Variants in FNTA observed in about 807,000 individuals in gnomAD.
FNTA encodes the protein protein farnesyltransferase/geranylgeranyltransferase type-1 subunit alpha.
FNTA carries 27 observed loss-of-function variants against 55.2 expected under a neutral mutation model. That is an observed-to-expected ratio of 0.49 (90% CI 0.36 to 0.67). The LOEUF is 0.67. FNTA is among the 30% of genes least tolerant of loss of function. FNTA has a pLI of 0.00. For synonymous variants in FNTA, 176 were observed against 170.7 expected (o/e 1.03, Z -0.24); for missense variants, 422 against 464.7 (o/e 0.91, Z 0.85).
At chr8:43,084,931 C>G (rs764113724) in intron 8 of FNTA, 50 bp downstream of exon 8, 18 of 1,499,718 alleles carry the variant, frequency 1.2e-5, no homozygotes, top group African/African-American at 7.0e-5. Context: ...CAGAATTGAT[C>G]TGCCCAATAC....
chr8:43,070,731 A>G, intron 4 of FNTA, among the ~76,000 whole-genome samples: 1 of 152,276 alleles, frequency 6.6e-6, no homozygotes. Context: ...TTTTATAACC[A>G]GTGTAGTACA....
At chr8:43,070,983 A>G (rs1428270890) in intron 4 of FNTA, among the ~76,000 whole-genome samples, 1 of 152,214 alleles carries the variant, frequency 6.6e-6, no homozygotes, top group Admixed American at 6.5e-5. Context: ...TTTCTAAAAT[A>G]AATTTGGAAA....
chr8:43,066,711 GTATAAGAGAGACAGGAAAAA>G (rs1177716155), intron 3 of FNTA, among the ~76,000 whole-genome samples: 2 of 151,918 alleles, frequency 1.3e-5, no homozygotes, highest in Non-Finnish European at 2.9e-5. Context: ...CTCTTTATGC[GTATAAGAGAGACAGGAAAAA>G]TCCTGATTGG....
Position 43,083,151 on chromosome 8 carries a change from T to C in FNTA, c.816T>C (p.His272=), listed in dbSNP as rs1409387022. The part of the protein sequence containing the change: ...YTLEMIKLVP[H]NESAWNYLKG... ...TGGAAATGATTAAACTAGTACCACA[T>C]AATGAAAGTGCATGGAACTATTTGA... The change falls in exon 7 of 9, where the codon CAT becomes CAC. Residue 272 remains histidine (H), a synonymous_variant. Transcript: ENST00000302279. 2 of 1,587,414 alleles carry C rather than the reference T, an allele frequency of 1.3e-6. No homozygotes were observed. The highest frequency in any genetic ancestry group is 1.9e-5 in the Admixed American group (1 of 52,996).
In FNTA at chr8:43,084,773, A is replaced by G. The variant is rs761220213; in HGVS notation, c.909A>G (p.Gln303=). The G allele has an allele frequency of 2.5e-6, 4 of 1,613,578 alleles. No individual in the cohort carries two copies. The highest frequency in any genetic ancestry group is 2.7e-5 in the African/African-American group (2 of 74,934). ...TGTTAAATCAATTACTTGATTTACA[A>G]CCAAGTCATAGTTCCCCCTACCTAA... ...PNLLNQLLDL[Q]PSHSSPYLIA... Residue 303 remains glutamine (Q), a synonymous_variant, in exon 8 of 9, where the codon CAA becomes CAG. Transcript: ENST00000302279.
intron 5 of FNTA, among the ~76,000 whole-genome samples, chr8:43,073,901 A>G (rs1810851624): frequency 6.6e-6 from 1 of 152,200 alleles, no homozygotes; most frequent in African/African-American, 2.4e-5. Flanking sequence ...CTATATGGAA[A>G]ACTATTTTAT....
intron 6 of FNTA, chr8:43,080,699 T>G (rs1433987791): frequency 6.6e-6 from 1 of 152,208 alleles, no homozygotes; most frequent in Non-Finnish European, 1.5e-5. Context: ...ATTGCACATG[T>G]CCTATTTTGG....
In FNTA at chr8:43,059,155, C is replaced by G; in HGVS notation, c.264C>G (p.Val88=). Residue 88 remains valine, a synonymous_variant, in exon 2 of 9, where the codon GTC becomes GTG. Coordinates refer to ENST00000302279, the MANE Select transcript of FNTA (RefSeq NM_002027.3). ...VPQNDGPNPV[V]QIIYSDKFRD... is the part of the protein sequence containing the mutation. ...AGAATGATGGCCCCAATCCCGTGGT[C>G]CAGATCATTTATAGTGACAAATGTA... is the stretch of plus-strand genomic sequence containing the variant. The G allele has an allele frequency of 6.2e-7, 1 of 1,612,588 alleles. No individual in the cohort carries two copies. The highest frequency in any genetic ancestry group is 2.2e-5 in the East Asian group (1 of 44,810).
intron 2 of FNTA, among the ~76,000 whole-genome samples, chr8:43,062,454 G>A (rs1810557581): frequency 6.6e-6 from 1 of 151,788 alleles, no homozygotes; most frequent in African/African-American, 2.4e-5. Context: ...GCTAATTTTT[G>A]TATTTTTAGT....
At chr8:43,075,552 A>G (rs1006788918) in intron 5 of FNTA, among the ~76,000 whole-genome samples, 47 of 152,138 alleles carry the variant, frequency 3.1e-4, no homozygotes, top group African/African-American at 1.1e-3. Flanking sequence ...GTGGTGGCTC[A>G]TGCCTGTAAT....
Position 43,059,185 on chromosome 8 carries a change from TG to T in FNTA, c.286+9del. 1 of 1,599,146 alleles carries T rather than the reference TG, an allele frequency of 6.3e-7. No homozygotes were observed. The highest frequency in any genetic ancestry group is 1.1e-5 in the South Asian group (1 of 89,380). On this transcript the variant is annotated intron_variant, in intron 2 of 8. Transcript: ENST00000302279. Reference sequence around the variant, plus strand: ...TCATTTATAGTGACAAATGTAAGTTTGTTTATATTAGGAAAAGGTCTGTAAG... The same window carrying T: ...TCATTTATAGTGACAAATGTAAGTTTTTTATATTAGGAAAAGGTCTGTAAG...
intron 5 of FNTA, chr8:43,073,594 G>A (rs1260364040): frequency 6.6e-6 from 1 of 152,114 alleles, no homozygotes; most frequent in Admixed American, 6.5e-5. Context: ...ATTTGTGATA[G>A]GGGGACTGTG....
intron 6 of FNTA, chr8:43,081,545 C>T (rs1054422798): frequency 1.3e-5 from 2 of 152,158 alleles, no homozygotes; most frequent in African/African-American, 4.8e-5. Context: ...AGCCTGACCT[C>T]AAAGTTCATC....
chr8:43,059,323 A>G (rs1303213656), intron 2 of FNTA, 146 bp downstream of exon 2: 7 of 598,146 alleles, frequency 1.2e-5, no homozygotes, highest in Non-Finnish European at 2.0e-5. Flanking sequence ...TGTTTTTTTT[A>G]TGTGTGTGTG....
intron 7 of FNTA, among the ~76,000 whole-genome samples, chr8:43,083,922 A>G (rs1373803170): frequency 6.6e-6 from 1 of 152,140 alleles, no homozygotes; most frequent in African/African-American, 2.4e-5. Context: ...AAAATATACA[A>G]ATTAGCTGAG....
intron 4 of FNTA, among the ~76,000 whole-genome samples, chr8:43,070,632 T>C (rs1013728177): frequency 2.0e-5 from 3 of 152,248 alleles, no homozygotes; most frequent in African/African-American, 4.8e-5. Flanking sequence ...CCCACTGTTA[T>C]GTAAAACACA....
intron 5 of FNTA, chr8:43,073,473 GTTAC>G (rs1485029275): frequency 6.6e-6 from 1 of 152,100 alleles, no homozygotes; most frequent in Non-Finnish European, 1.5e-5. Flanking sequence ...ATTCATGTGA[GTTAC>G]TTACCTGGCA....
chr8:43,065,083 C>T (rs996251285), intron 3 of FNTA, among the ~76,000 whole-genome samples: 2 of 151,984 alleles, frequency 1.3e-5, no homozygotes, highest in African/African-American at 4.8e-5. Context: ...ATCCGCCCAC[C>T]TCAGCCTTCC....
intron 1 of FNTA, among the ~76,000 whole-genome samples, chr8:43,058,416 A>G (rs867875484): frequency 1.3e-5 from 2 of 152,210 alleles, no homozygotes; most frequent in African/African-American, 4.8e-5. Context: ...CAAACGTTTT[A>G]AAAATGCTGA....
Sources: gnomAD v4.1 joint callset for allele counts (sites outside exome capture counted in the v4.1 genomes callset) on GRCh38, gnomAD v4.1.1 for gene constraint, MANE v1.5 for transcripts, NCBI Gene and HGNC (gene_info 2026-07-23, HGNC 2026-07-21) for gene names.